DOK5: variants seen among roughly 807,000 people sequenced by gnomAD.
The protein encoded by DOK5 is docking protein 5.
In DOK5, 27 loss-of-function variants were observed where a neutral mutation model predicts 43.3. The observed-to-expected ratio is 0.62, with a 90% confidence interval of 0.46 to 0.86. The LOEUF is 0.86. Among genes scored for constraint, DOK5 ranks in the 40% least tolerant of loss-of-function variants. The pLI is 0.00. For synonymous variants in DOK5, 146 were observed against 140.1 expected, an observed-to-expected ratio of 1.04 and a Z score of -0.30; for missense variants, 373 against 392.9, an observed-to-expected ratio of 0.95 and a Z score of 0.43.
chr20:54,606,696 C>T (rs1986480093), intron 5 of DOK5, among the ~76,000 whole-genome samples: 1 of 151,996 alleles, frequency 6.6e-6, no homozygotes, highest in East Asian at 1.9e-4. Context: ...TGAAACGGTT[C>T]CAAACACATC....
intron 1 of DOK5, among the ~76,000 whole-genome samples, chr20:54,530,832 C>A (rs948307972): frequency 5.9e-5 from 9 of 152,140 alleles, no homozygotes; most frequent in African/African-American, 1.9e-4. Context: ...ATACCCTGTA[C>A]ACCCATTATT....
At chr20:54,503,099 T>C (rs1173439506) in intron 1 of DOK5, among the ~76,000 whole-genome samples, 1 of 152,160 alleles carries the variant, frequency 6.6e-6, no homozygotes, top group African/African-American at 2.4e-5. Context: ...CACAAGGAAA[T>C]AATGCATTTA....
intron 5 of DOK5, among the ~76,000 whole-genome samples, chr20:54,600,308 G>T (rs897139866): frequency 6.6e-6 from 1 of 152,080 alleles, no homozygotes; most frequent in African/African-American, 2.4e-5. Context: ...GCCCTCAGGG[G>T]CTGTGTAGAG....
chr20:54,500,167 GA>G lies in DOK5; in HGVS notation c.66+24161del, dbSNP rs149170298. ...AAAGTGAATGCCATACAACTGACTT[GA>G]AAAAACAAAGGAAGAAGATGCAGCA... is the stretch of plus-strand genomic sequence containing the variant. On this transcript the variant is annotated intron_variant, in intron 1 of 7. Coordinates refer to ENST00000262593, the MANE Select transcript of DOK5 (RefSeq NM_018431.5). Among the ~76,000 whole-genome samples, 689 of 152,198 alleles carry G rather than the reference GA, an allele frequency of 4.5e-3. 4 individuals are homozygous for G. Among genetic ancestry groups the G allele is most frequent in the African/African-American group, 0.016 (672 of 41,540 alleles).
At chr20:54,490,614 T>G (rs1982128359) in intron 1 of DOK5, among the ~76,000 whole-genome samples, 1 of 152,130 alleles carries the variant, frequency 6.6e-6, no homozygotes, top group Non-Finnish European at 1.5e-5. Flanking sequence ...TGAGACGGAG[T>G]CTTGCTGTGT....
intron 1 of DOK5, among the ~76,000 whole-genome samples, chr20:54,518,681 A>T (rs1453636714): frequency 6.6e-6 from 1 of 152,178 alleles, no homozygotes; most frequent in African/African-American, 2.4e-5. Context: ...CTAGTTCTAG[A>T]TCCCTGAGGA....
At chr20:54,644,997 C>CTTTT (rs869031533) in intron 7 of DOK5, among the ~76,000 whole-genome samples, 7 of 82,418 alleles carry the variant, frequency 8.5e-5, no homozygotes, top group Admixed American at 1.4e-4. Flanking sequence ...TAAAAAAACT[C>CTTTT]TTTTTTTTTT....
intron 1 of DOK5, among the ~76,000 whole-genome samples, chr20:54,485,533 A>G (rs1305140977): frequency 6.6e-6 from 1 of 152,014 alleles, no homozygotes; most frequent in Admixed American, 6.6e-5. Flanking sequence ...TAGGTACCGT[A>G]GTTTGTTTAG....
chr20:54,572,010 C>T (rs1006606652), intron 2 of DOK5, among the ~76,000 whole-genome samples: 3 of 152,122 alleles, frequency 2.0e-5, no homozygotes, highest in Admixed American at 6.5e-5. Flanking sequence ...TTAGGACTAA[C>T]GAGGCCTAAC....
At chr20:54,512,019 G>A (rs1194761798) in intron 1 of DOK5, among the ~76,000 whole-genome samples, 1 of 152,178 alleles carries the variant, frequency 6.6e-6, no homozygotes, top group Non-Finnish European at 1.5e-5. Flanking sequence ...ACCTGTGGCT[G>A]TGTCTACCTT....
chr20:54,564,994 A>G (rs555373071), intron 2 of DOK5, among the ~76,000 whole-genome samples: 35 of 152,018 alleles, frequency 2.3e-4, no homozygotes, highest in Non-Finnish European at 4.0e-4. Flanking sequence ...CCTTTGTTCT[A>G]TTGAGCTCTC....
intron 1 of DOK5, among the ~76,000 whole-genome samples, chr20:54,507,909 T>C (rs1982869235): frequency 1.3e-5 from 2 of 152,206 alleles, no homozygotes; most frequent in Admixed American, 6.5e-5. Flanking sequence ...GGATGCATTC[T>C]AAGTGTATTG....
At position 54,643,538 on chromosome 20, in the gene DOK5, C is replaced by CAT; in HGVS notation, c.817_818insTA (p.Thr273IlefsTer20). On this transcript the variant is annotated frameshift_variant, in exon 7 of 8. Transcript: ENST00000262593. LOFTEE classifies it high-confidence loss of function. ...CTCGCAGCGCCTACTGGCAGCACAT[C>CAT]ACACGGCAGCACAGCACGGGACAGC... The CAT allele has an allele frequency of 1.9e-6, 3 of 1,613,412 alleles. No individual in the cohort carries two copies. The highest frequency in any genetic ancestry group is 2.5e-6 in the Non-Finnish European group (3 of 1,180,006).
intron 5 of DOK5, among the ~76,000 whole-genome samples, chr20:54,609,635 C>T (rs1433133921): frequency 1.3e-5 from 2 of 151,588 alleles, no homozygotes; most frequent in Non-Finnish European, 2.9e-5. Flanking sequence ...AAGTAAAAAG[C>T]ATTTATTTGT....
At chr20:54,635,631 T>C (rs1325579878) in intron 6 of DOK5, among the ~76,000 whole-genome samples, 1 of 152,228 alleles carries the variant, frequency 6.6e-6, no homozygotes. Context: ...TCATCTTATA[T>C]GTATTGATTG....
chr20:54,619,709 C>T (rs983578448), intron 6 of DOK5, among the ~76,000 whole-genome samples: 1 of 152,082 alleles, frequency 6.6e-6, no homozygotes, highest in Non-Finnish European at 1.5e-5. Flanking sequence ...GATTTACTTC[C>T]AAGCTGGGAT....
intron 1 of DOK5, among the ~76,000 whole-genome samples, chr20:54,535,810 C>G (rs1196340313): frequency 6.6e-6 from 1 of 152,000 alleles, no homozygotes; most frequent in Non-Finnish European, 1.5e-5. Flanking sequence ...CAATGTCTCT[C>G]AGTATGATTT....
intron 1 of DOK5, among the ~76,000 whole-genome samples, chr20:54,497,701 T>A (rs897622239): frequency 6.6e-6 from 1 of 152,166 alleles, no homozygotes; most frequent in East Asian, 1.9e-4. Context: ...TGTAGGAAAA[T>A]GAAGAAAGGA....
At chr20:54,549,195 T>C (rs979058794) in intron 1 of DOK5, among the ~76,000 whole-genome samples, 1 of 152,152 alleles carries the variant, frequency 6.6e-6, no homozygotes, top group African/African-American at 2.4e-5. Flanking sequence ...CCTGAAAACA[T>C]GGTAAAGAGC....
Sources: gnomAD v4.1 joint callset for allele counts (sites outside exome capture counted in the v4.1 genomes callset) on GRCh38, gnomAD v4.1.1 for gene constraint, MANE v1.5 for transcripts, NCBI Gene and HGNC (gene_info 2026-07-23, HGNC 2026-07-21) for gene names.